MTUS2: variants seen among roughly 807,000 people sequenced by gnomAD.
MTUS2 encodes the protein microtubule-associated tumor suppressor candidate 2.
A neutral mutation model predicts 114.1 loss-of-function variants in MTUS2; 40 were observed. The observed-to-expected ratio is 0.35, with a 90% CI of 0.27 to 0.46. MTUS2 has a LOEUF of 0.46. Ranked by LOEUF, MTUS2 falls within the 20% of genes least tolerant of loss-of-function variation. MTUS2 has a pLI of 1.00. For missense variants in MTUS2, 1,679 were observed against 1,705.4 expected (o/e 0.98, Z 0.27); for synonymous variants, 688 against 672.0 (o/e 1.02, Z -0.37).
At chr13:29,399,814 A>G (rs1874189508) in intron 8 of MTUS2, among the ~76,000 whole-genome samples, 1 of 152,244 alleles carries the variant, frequency 6.6e-6, no homozygotes, top group African/African-American at 2.4e-5. Flanking sequence ...AATGGCAAGT[A>G]AATGAAAATT....
chr13:29,314,055 G>A (rs1899885427), intron 6 of MTUS2, among the ~76,000 whole-genome samples: 2 of 152,044 alleles, frequency 1.3e-5, no homozygotes, highest in Admixed American at 1.3e-4. Context: ...AAAAAAATGT[G>A]CTCTACCAAA....
intron 1 of MTUS2, among the ~76,000 whole-genome samples, chr13:28,833,427 A>G (rs1438763466): frequency 6.6e-6 from 1 of 152,160 alleles, no homozygotes; most frequent in African/African-American, 2.4e-5. Context: ...TCAATTTAAT[A>G]TACCATATTA....
At chr13:29,021,681 C>T (rs190173828) in intron 2 of MTUS2, among the ~76,000 whole-genome samples, 60 of 152,302 alleles carry the variant, frequency 3.9e-4, no homozygotes, top group Non-Finnish European at 7.3e-4. Context: ...GCAAGATACC[C>T]GTTTCTCATC....
intron 4 of MTUS2, among the ~76,000 whole-genome samples, chr13:29,046,853 A>AC (rs1388518899): frequency 6.6e-6 from 1 of 151,952 alleles, no homozygotes; most frequent in Non-Finnish European, 1.5e-5. Context: ...TTCTACAGAC[A>AC]CCCCTTCCCC....
chr13:29,475,721 A>G (rs1284459975), intron 9 of MTUS2, among the ~76,000 whole-genome samples: 2 of 152,234 alleles, frequency 1.3e-5, no homozygotes, highest in African/African-American at 4.8e-5. Flanking sequence ...AAGAAAAACC[A>G]TGTTTGAACA....
chr13:28,996,944 A>T (rs1377369011), intron 2 of MTUS2, among the ~76,000 whole-genome samples: 1 of 151,542 alleles, frequency 6.6e-6, no homozygotes, highest in Non-Finnish European at 1.5e-5. Context: ...TCTGCTTTTG[A>T]ATGTGTTTGC....
chr13:29,296,737 T>C (rs1021656996), intron 6 of MTUS2, among the ~76,000 whole-genome samples: 2 of 152,190 alleles, frequency 1.3e-5, no homozygotes, highest in Non-Finnish European at 2.9e-5. Flanking sequence ...TGGCCATTTG[T>C]ATATCTTTTC....
intron 9 of MTUS2, among the ~76,000 whole-genome samples, chr13:29,453,368 G>A (rs1041304510): frequency 2.6e-5 from 4 of 152,180 alleles, no homozygotes; most frequent in Non-Finnish European, 5.9e-5. Flanking sequence ...CAATGAATGT[G>A]GGGAATTCAA....
chr13:29,255,929 A>G (rs1273783929), intron 5 of MTUS2, among the ~76,000 whole-genome samples: 1 of 152,178 alleles, frequency 6.6e-6, no homozygotes, highest in African/African-American at 2.4e-5. Flanking sequence ...TACTGCCTTT[A>G]TTATCTGGCC....
At position 29,480,310 on chromosome 13, in the gene MTUS2, G is replaced by A; in HGVS notation, c.3345G>A (p.Leu1115=). The part of the protein sequence containing the change: ...QLQFEAEMAR[L]QEEHGDQLLS... ...AATTCGAGGCGGAAATGGCGCGCCT[G>A]CAGGAGGAGCACGGTGACCAGCTGC... The change falls in exon 10 of 16, where the codon CTG becomes CTA. Residue 1115 remains leucine, a synonymous_variant. Coordinates refer to ENST00000612955, the MANE Select transcript of MTUS2 (RefSeq NM_001033602.4). The surrounding 1 kb of genome is among the most constrained non-coding windows in gnomAD (Gnocchi z 4.4). The A allele has an allele frequency of 6.4e-7, 1 of 1,556,150 alleles. No homozygotes were observed. Among genetic ancestry groups the A allele is most frequent in the Admixed American group, 1.9e-5 (1 of 52,100 alleles).
intron 5 of MTUS2, among the ~76,000 whole-genome samples, chr13:29,132,135 G>A (rs972430741): frequency 1.3e-5 from 2 of 152,188 alleles, no homozygotes; most frequent in Middle Eastern, 3.2e-3. Flanking sequence ...GTCTGTGTGA[G>A]TGCATGTGCA....
At chr13:28,874,927 G>A (rs1404323419) in intron 2 of MTUS2, among the ~76,000 whole-genome samples, 3 of 152,186 alleles carry the variant, frequency 2.0e-5, no homozygotes, top group Non-Finnish European at 4.4e-5. Context: ...CATGAGAGAA[G>A]TAGGATCTCC....
intron 2 of MTUS2, among the ~76,000 whole-genome samples, chr13:28,994,490 T>G (rs1013909684): frequency 2.0e-5 from 3 of 152,348 alleles, no homozygotes; most frequent in Admixed American, 2.0e-4. Context: ...GACTTCCACA[T>G]GGTTGAACTA....
intron 2 of MTUS2, among the ~76,000 whole-genome samples, chr13:28,876,471 C>T (rs985823075): frequency 6.6e-6 from 1 of 152,212 alleles, no homozygotes; most frequent in Non-Finnish European, 1.5e-5. Flanking sequence ...CTCTTCTCCA[C>T]ATCCCCAAGC....
chr13:28,972,308 TC>T (rs1309074240), intron 2 of MTUS2, among the ~76,000 whole-genome samples: 3 of 152,202 alleles, frequency 2.0e-5, no homozygotes, highest in African/African-American at 4.8e-5. Context: ...CTCCGGTTCT[TC>T]CGGGACACTT....
At chr13:29,308,286 A>T (rs1451426224) in intron 6 of MTUS2, among the ~76,000 whole-genome samples, 1 of 152,236 alleles carries the variant, frequency 6.6e-6, no homozygotes, top group Non-Finnish European at 1.5e-5. Context: ...AACAAACTTT[A>T]CAAAAGTAAG....
At chr13:29,161,264 T>C (rs958220145) in intron 5 of MTUS2, among the ~76,000 whole-genome samples, 21 of 152,318 alleles carry the variant, frequency 1.4e-4, no homozygotes, top group African/African-American at 4.8e-4. Flanking sequence ...GTATTATAAT[T>C]TTCCAAGATG....
chr13:28,883,180 G>C (rs966456218), intron 2 of MTUS2, among the ~76,000 whole-genome samples: 1 of 152,160 alleles, frequency 6.6e-6, no homozygotes, highest in African/African-American at 2.4e-5. Context: ...AGAAATCCTG[G>C]ATCACTGATG....
intron 5 of MTUS2, among the ~76,000 whole-genome samples, chr13:29,132,806 G>A (rs1891821061): frequency 6.6e-6 from 1 of 152,140 alleles, no homozygotes; most frequent in South Asian, 2.1e-4. Flanking sequence ...TAATACCACT[G>A]TGAACCTGGG....
Sources: gnomAD v4.1 joint callset for allele counts (sites outside exome capture counted in the v4.1 genomes callset) on GRCh38, gnomAD v4.1.1 for gene constraint, Gnocchi (gnomAD v3.1) non-coding constraint, MANE v1.5 for transcripts, NCBI Gene and HGNC (gene_info 2026-07-23, HGNC 2026-07-21) for gene names.